The following IL15 variants were observed in gnomAD, a reference collection of about 807,000 sequenced individuals.
The protein encoded by IL15 is interleukin 15, also known as interleukin-15.
IL15 carries 11 observed loss-of-function variants against 19.6 expected under a neutral mutation model. That is an observed-to-expected ratio of 0.56 (90% confidence interval 0.35 to 0.93). The LOEUF (loss-of-function observed/expected upper bound fraction) is 0.93, where lower values mean the gene tolerates loss of function less well. Among genes scored for constraint, IL15 ranks in the 40% least tolerant of loss-of-function variants. The pLI, the probability that IL15 is intolerant of heterozygous loss-of-function variation, is 0.01. For synonymous variants in IL15, 58 were observed against 59.6 expected, an observed-to-expected ratio of 0.97 and a Z score of 0.12; for missense variants, 197 against 186.5, an observed-to-expected ratio of 1.06 and a Z score of -0.33.
chr4:141,701,948 CT>C (rs1729335918), intron 2 of IL15, among the ~76,000 whole-genome samples: 1 of 152,186 alleles, frequency 6.6e-6, no homozygotes, highest in South Asian at 2.1e-4. Flanking sequence ...AGTACTCCCC[CT>C]GTTGGGCTGC....
intron 2 of IL15, among the ~76,000 whole-genome samples, chr4:141,714,082 C>T (rs1345487114): frequency 2.0e-5 from 3 of 152,022 alleles, no homozygotes; most frequent in African/African-American, 7.3e-5. Flanking sequence ...TCTTCCCTCT[C>T]CTCCTCCTCC....
intron 2 of IL15, among the ~76,000 whole-genome samples, chr4:141,678,920 A>G (rs966561851): frequency 7.2e-5 from 11 of 152,196 alleles, no homozygotes; most frequent in African/African-American, 1.7e-4. Flanking sequence ...TAAATAACAT[A>G]AACAAATATA....
At chr4:141,689,062 G>A (rs183692915) in intron 2 of IL15, 63 of 153,888 alleles carry the variant, frequency 4.1e-4, no homozygotes, top group African/African-American at 1.3e-3. Flanking sequence ...TTAAGGTGGC[G>A]CATCTGGAGT....
At chr4:141,685,787 A>G (rs1168955937) in intron 2 of IL15, among the ~76,000 whole-genome samples, 2 of 152,248 alleles carry the variant, frequency 1.3e-5, no homozygotes, top group African/African-American at 2.4e-5. Flanking sequence ...ATGTTTATAT[A>G]CCATTAATCA....
intron 2 of IL15, among the ~76,000 whole-genome samples, chr4:141,679,754 A>G (rs1269759229): frequency 6.6e-6 from 1 of 152,256 alleles, no homozygotes; most frequent in Non-Finnish European, 1.5e-5. Context: ...TTTGTGAAAT[A>G]TATTGCATGA....
At chr4:141,726,493 G>C (rs1730269910) in intron 5 of IL15, among the ~76,000 whole-genome samples, 1 of 152,128 alleles carries the variant, frequency 6.6e-6, no homozygotes, top group African/African-American at 2.4e-5. Flanking sequence ...ATACATTGCT[G>C]GTGATGATGT....
intron 5 of IL15, among the ~76,000 whole-genome samples, chr4:141,726,510 A>G (rs1010848817): frequency 6.6e-6 from 1 of 152,202 alleles, no homozygotes; most frequent in Non-Finnish European, 1.5e-5. Context: ...ATGTAAAATG[A>G]TACAGGCACT....
intron 2 of IL15, among the ~76,000 whole-genome samples, chr4:141,678,762 C>T (rs966633459): frequency 1.2e-4 from 19 of 152,072 alleles, no homozygotes; most frequent in African/African-American, 1.7e-4. Context: ...CCACCACACC[C>T]GGCTAATTTT....
At chr4:141,692,073 C>T (rs1013657791) in intron 2 of IL15, among the ~76,000 whole-genome samples, 5 of 152,228 alleles carry the variant, frequency 3.3e-5, no homozygotes, top group African/African-American at 7.2e-5. Context: ...GTCTTCTGTG[C>T]ACCTGCAGGC....
At chr4:141,697,551 A>T (rs942305367) in intron 2 of IL15, among the ~76,000 whole-genome samples, 1 of 152,046 alleles carries the variant, frequency 6.6e-6, no homozygotes, top group African/African-American at 2.4e-5. Flanking sequence ...GTGAAGAATA[A>T]TGATGGTATT....
chr4:141,660,549 A>C (rs1727750733), intron 2 of IL15, among the ~76,000 whole-genome samples: 1 of 152,212 alleles, frequency 6.6e-6, no homozygotes, highest in African/African-American at 2.4e-5. Context: ...AATTACTAGA[A>C]GGCAACTAAA....
chr4:141,641,759 G>A (rs1727052286), intron 1 of IL15, among the ~76,000 whole-genome samples: 1 of 151,080 alleles, frequency 6.6e-6, no homozygotes, highest in South Asian at 2.1e-4. Context: ...GTTAATGGGT[G>A]CAGCACACCA....
chr4:141,654,086 C>A (rs148395867), intron 1 of IL15, among the ~76,000 whole-genome samples: 202 of 152,240 alleles, frequency 1.3e-3, no homozygotes, highest in African/African-American at 4.5e-3. Context: ...AATATACATG[C>A]GAGAGGCTTA....
Position 141,641,937 on chromosome 4 carries a change from T to C in IL15, c.-222+5189T>C, listed in dbSNP as rs1202051005. Among the ~76,000 whole-genome samples, 5 of 152,012 alleles carry C rather than the reference T, an allele frequency of 3.3e-5. No homozygotes were observed. In the East Asian group the frequency reaches 9.6e-4, roughly 29 times the overall value. ...ATTTCTTGCATCAGTGCTTTGAATG[T>C]AAATTATTTTTGTTGAAAAGTGTGA... On this transcript the variant is annotated intron_variant, in intron 1 of 7. Transcript: ENST00000320650.
intron 2 of IL15, among the ~76,000 whole-genome samples, chr4:141,707,334 A>G (rs72712434): frequency 0.14 from 20,945 of 152,050 alleles, 1,561 homozygotes; most frequent in African/African-American, 0.18. Context: ...GTTCTATTGT[A>G]TCTCACTGAG....
chr4:141,645,787 C>T lies in IL15; in HGVS notation c.-222+9039C>T, dbSNP rs79702634. On this transcript the variant is annotated intron_variant, in intron 1 of 7. Coordinates refer to ENST00000320650, the MANE Select transcript of IL15 (RefSeq NM_000585.5). Reference sequence around the variant, plus strand: ...TGGTCAAGGGATGTCTGAGATGGCTCAGACATTAAGTCACACATATAGAGC... The same window carrying T: ...TGGTCAAGGGATGTCTGAGATGGCTTAGACATTAAGTCACACATATAGAGC... Among the ~76,000 whole-genome samples the T allele has an allele frequency of 1.0e-3, 158 of 152,188 alleles. 4 individuals are homozygous for T. In the East Asian group the frequency reaches 0.024, roughly 24 times the overall value.
intron 5 of IL15, among the ~76,000 whole-genome samples, chr4:141,723,630 C>T (rs1427795091): frequency 6.6e-6 from 1 of 152,182 alleles, no homozygotes; most frequent in Non-Finnish European, 1.5e-5. Flanking sequence ...ATTACAGCAG[C>T]TCTAGACTGA....
intron 2 of IL15, among the ~76,000 whole-genome samples, chr4:141,680,206 G>A (rs552621795): frequency 5.9e-5 from 9 of 152,124 alleles, no homozygotes; most frequent in Non-Finnish European, 1.0e-4. Context: ...GGAAACTACC[G>A]ATTCCATGTG....
chr4:141,730,693 T>A (rs1054682088), intron 7 of IL15, among the ~76,000 whole-genome samples: 2 of 152,190 alleles, frequency 1.3e-5, no homozygotes, highest in African/African-American at 4.8e-5. Flanking sequence ...GGTACTCGTA[T>A]GATAGGCTGG....
Sources: gnomAD v4.1 joint callset for allele counts (sites outside exome capture counted in the v4.1 genomes callset) on GRCh38, gnomAD v4.1.1 for gene constraint, MANE v1.5 for transcripts, NCBI Gene and HGNC (gene_info 2026-07-23, HGNC 2026-07-21) for gene names.